The following CDYL2 variants were observed in gnomAD, a reference collection of about 807,000 sequenced individuals.
CDYL2 encodes the protein chromodomain Y-like protein 2.
CDYL2 carries 23 observed loss-of-function variants against 49.4 expected under a neutral mutation model. The observed-to-expected ratio is 0.47, with a 90% CI of 0.34 to 0.66. The LOEUF (loss-of-function observed/expected upper bound fraction) is 0.66, where lower values mean the gene tolerates loss of function less well. Ranked by LOEUF, CDYL2 falls within the 30% of genes least tolerant of loss-of-function variation. The pLI is 0.01. For synonymous variants in CDYL2, 360 were observed against 268.8 expected, an observed-to-expected ratio of 1.34 and a Z score of -3.32; for missense variants, 678 against 656.4, an observed-to-expected ratio of 1.03 and a Z score of -0.36.
chr16:80,626,052 G>A (rs992740267), intron 3 of CDYL2, among the ~76,000 whole-genome samples: 3 of 151,916 alleles, frequency 2.0e-5, no homozygotes, highest in Non-Finnish European at 4.4e-5. Context: ...CACTTTGGAA[G>A]GCTGAGGCAG....
intron 2 of CDYL2, chr16:80,679,858 G>A (rs1909902895): frequency 2.2e-6 from 1 of 448,100 alleles, no homozygotes; most frequent in Admixed American, 2.4e-5. Context: ...TTCTGCTGGA[G>A]GTGCAGATTC....
chr16:80,683,074 T>G (rs1474965828), intron 2 of CDYL2, among the ~76,000 whole-genome samples: 1 of 152,144 alleles, frequency 6.6e-6, no homozygotes, highest in Non-Finnish European at 1.5e-5. Flanking sequence ...CGTTCTGGAC[T>G]CCAAATCTAC....
intron 4 of CDYL2, among the ~76,000 whole-genome samples, chr16:80,618,819 G>C (rs1906947848): frequency 6.6e-6 from 1 of 152,204 alleles, no homozygotes; most frequent in African/African-American, 2.4e-5. Context: ...GAGGACGTTG[G>C]GCAGAGGTCA....
At chr16:80,746,621 C>T (rs1316800061) in intron 1 of CDYL2, among the ~76,000 whole-genome samples, 1 of 152,192 alleles carries the variant, frequency 6.6e-6, no homozygotes, top group African/African-American at 2.4e-5. Context: ...TCAGACAGCC[C>T]AGGCGGGATC....
chr16:80,719,937 T>C (rs1359398820), intron 1 of CDYL2, among the ~76,000 whole-genome samples: 3 of 152,240 alleles, frequency 2.0e-5, no homozygotes, highest in Non-Finnish European at 1.5e-5. Flanking sequence ...CCCTCCTCTG[T>C]ACCCAAACCC....
chr16:80,700,402 T>C (rs1904294458), intron 1 of CDYL2, among the ~76,000 whole-genome samples: 1 of 152,116 alleles, frequency 6.6e-6, no homozygotes, highest in Admixed American at 6.5e-5. Flanking sequence ...TAAATGACAA[T>C]GGACTGAGAA....
chr16:80,684,397 T>C, intron 2 of CDYL2, 141 bp downstream of exon 2: 1 of 768,868 alleles, frequency 1.3e-6, no homozygotes, highest in East Asian at 2.7e-5. Context: ...AAGCTCTAGG[T>C]GAGAGAGATG....
chr16:80,639,677 G>T (rs756890179), intron 2 of CDYL2: 3 of 455,784 alleles, frequency 6.6e-6, no homozygotes, highest in Non-Finnish European at 1.3e-5. Context: ...CACAGGACCC[G>T]GTTTTAACTT....
At chr16:80,663,100 T>C (rs1190370866) in intron 2 of CDYL2, among the ~76,000 whole-genome samples, 1 of 90,100 alleles carries the variant, frequency 1.1e-5, no homozygotes, top group Admixed American at 1.1e-4. Flanking sequence ...AATTGTGGTG[T>C]TGGGGGTCTC....
At chr16:80,748,013 G>A (rs778803089) in intron 1 of CDYL2, among the ~76,000 whole-genome samples, 2 of 151,768 alleles carry the variant, frequency 1.3e-5, no homozygotes, top group Non-Finnish European at 2.9e-5. Context: ...GCAGGGCACA[G>A]TGAACTCTGT....
At chr16:80,723,951 A>C (rs936603809) in intron 1 of CDYL2, among the ~76,000 whole-genome samples, 3 of 145,670 alleles carry the variant, frequency 2.1e-5, no homozygotes, top group African/African-American at 7.6e-5. Flanking sequence ...AGAGGAGAAA[A>C]AGGGGGGAGA....
intron 1 of CDYL2, among the ~76,000 whole-genome samples, chr16:80,712,191 G>GTATA (rs60399715): frequency 0.023 from 2,468 of 107,828 alleles, 77 homozygotes; most frequent in East Asian, 0.062. Flanking sequence ...GTCTGTGTGT[G>GTATA]TATATATATA....
intron 2 of CDYL2, chr16:80,679,642 GC>G: frequency 2.2e-6 from 1 of 455,154 alleles, no homozygotes; most frequent in South Asian, 1.6e-5. Flanking sequence ...CAACCTTACA[GC>G]TTTTCATTTC....
chr16:80,605,693 A>G (rs1204906009), intron 6 of CDYL2, among the ~76,000 whole-genome samples: 1 of 152,002 alleles, frequency 6.6e-6, no homozygotes, highest in Non-Finnish European at 1.5e-5. Flanking sequence ...GTAAAAATTC[A>G]TAACAGTAAT....
chr16:80,670,833 T>G (rs1032341476), intron 2 of CDYL2: 3 of 446,626 alleles, frequency 6.7e-6, no homozygotes, highest in Non-Finnish European at 1.4e-5. Flanking sequence ...ACAGTCGGGT[T>G]GCACACGAGG....
At chr16:80,654,377 C>T (rs144208306) in intron 2 of CDYL2, among the ~76,000 whole-genome samples, 3 of 152,298 alleles carry the variant, frequency 2.0e-5, no homozygotes, top group Non-Finnish European at 4.4e-5. Flanking sequence ...AGAAGCAGCA[C>T]ACAGTAAACC....
chr16:80,606,673 C>A (rs1028237834), intron 6 of CDYL2, among the ~76,000 whole-genome samples: 2 of 152,180 alleles, frequency 1.3e-5, no homozygotes, highest in African/African-American at 4.8e-5. Flanking sequence ...TGCCTGTGTC[C>A]CAACCCAAAT....
intron 4 of CDYL2, among the ~76,000 whole-genome samples, chr16:80,619,061 C>T (rs556577480): frequency 4.1e-4 from 62 of 152,304 alleles, no homozygotes; most frequent in South Asian, 3.3e-3. Flanking sequence ...TCAGGCCTCG[C>T]TCCCAGTTTC....
chr16:80,715,824 C>A (rs1447754976), intron 1 of CDYL2, among the ~76,000 whole-genome samples: 2 of 152,180 alleles, frequency 1.3e-5, no homozygotes, highest in Admixed American at 6.5e-5. Context: ...CATCCATGGC[C>A]CCAAACCTCA....
Sources: gnomAD v4.1 joint callset for allele counts (sites outside exome capture counted in the v4.1 genomes callset) on GRCh38, gnomAD v4.1.1 for gene constraint, MANE v1.5 for transcripts, NCBI Gene and HGNC (gene_info 2026-07-23, HGNC 2026-07-21) for gene names.